Variants in PIEZO2 observed in about 807,000 individuals in gnomAD.
PIEZO2 encodes piezo-type mechanosensitive ion channel component 2.
A neutral mutation model predicts 337.3 loss-of-function variants in PIEZO2; 172 were observed. The observed-to-expected ratio is 0.51, with a 90% CI of 0.45 to 0.58. The LOEUF (loss-of-function observed/expected upper bound fraction) is 0.58, where lower values mean the gene tolerates loss of function less well. PIEZO2 is among the 20% of genes least tolerant of loss of function. PIEZO2 has a pLI of 0.00. For missense variants in PIEZO2, 3,028 were observed against 3,391.3 expected, an observed-to-expected ratio of 0.89 and a Z score of 2.66; for synonymous variants, 1,251 against 1,228.5, an observed-to-expected ratio of 1.02 and a Z score of -0.38.
At chr18:10,941,145 A>G (rs1273289530) in intron 3 of PIEZO2, among the ~76,000 whole-genome samples, 1 of 152,012 alleles carries the variant, frequency 6.6e-6, no homozygotes, top group Non-Finnish European at 1.5e-5. Flanking sequence ...AATTATCCCA[A>G]CTAAAAAATG....
chr18:10,701,584 T>A (rs1489528726), intron 43 of PIEZO2, among the ~76,000 whole-genome samples: 1 of 152,206 alleles, frequency 6.6e-6, no homozygotes, highest in East Asian at 1.9e-4. Context: ...TGAGACAATA[T>A]GATCCACACA....
intron 3 of PIEZO2, among the ~76,000 whole-genome samples, chr18:10,937,258 G>T (rs754816595): frequency 6.6e-6 from 1 of 152,154 alleles, no homozygotes; most frequent in Non-Finnish European, 1.5e-5. Context: ...ACAGATTTCA[G>T]GGTTCTTTCC....
chr18:11,121,884 T>G (rs190886279), intron 1 of PIEZO2, among the ~76,000 whole-genome samples: 29 of 152,364 alleles, frequency 1.9e-4, no homozygotes, highest in Admixed American at 1.7e-3. Flanking sequence ...ACAAGTTCAA[T>G]TCTCATGTGA....
chr18:11,037,887 C>A (rs375022247), intron 2 of PIEZO2, among the ~76,000 whole-genome samples: 2 of 152,200 alleles, frequency 1.3e-5, no homozygotes, highest in Non-Finnish European at 2.9e-5. Context: ...GTTTGTTAGG[C>A]ACTTAAATAA....
At position 10,847,365 on chromosome 18, in the gene PIEZO2, G is replaced by A. The variant is rs72973104; in HGVS notation, c.917+7988C>T. Among the ~76,000 whole-genome samples the A allele has an allele frequency of 0.047, 7,169 of 152,324 alleles. 240 individuals are homozygous for A. The highest frequency in any genetic ancestry group is 0.088 in the African/African-American group (3,654 of 41,572). ...CTCCATAAAAACTGAAAGGAAGACC[G>A]TGGAGATGCCCTTGGTGGGCAAAAG... On this transcript the variant is annotated intron_variant, in intron 7 of 55. Transcript: ENST00000674853. This position sits in a 1 kb window ranked among gnomAD's most constrained non-coding sequence, Gnocchi z 5.7.
At chr18:10,687,607 A>G (rs505062) in intron 49 of PIEZO2, among the ~76,000 whole-genome samples, 1 of 151,948 alleles carries the variant, frequency 6.6e-6, no homozygotes, top group Admixed American at 6.5e-5. Flanking sequence ...TTTACTCCAT[A>G]CTTTGGATCT....
At chr18:10,796,936 A>G (rs922256224) in intron 12 of PIEZO2, among the ~76,000 whole-genome samples, 3 of 152,148 alleles carry the variant, frequency 2.0e-5, no homozygotes, top group African/African-American at 7.2e-5. Flanking sequence ...ATGTACTATC[A>G]TGTCATATCA....
At position 10,794,755 on chromosome 18, in the gene PIEZO2, G is replaced by A. The variant is rs55646160; in HGVS notation, c.1758+17C>T. 0.046 allele frequency: 66,907 copies of A among 1,467,848 alleles called. 1,795 individuals carry two copies. Among genetic ancestry groups the A allele is most frequent in the Admixed American group, 0.056 (2,678 of 47,758 alleles). The allele number at this position is 1,467,848 out of a possible 1,614,324, so 90.9% of individuals were successfully genotyped here. A position where few individuals can be genotyped will look rare whatever the true frequency, so the allele number is the denominator to read the frequency against. On this transcript the variant is annotated intron_variant, in intron 13 of 55. Coordinates refer to ENST00000674853, the MANE Select transcript of PIEZO2 (RefSeq NM_001378183.1). The surrounding 1 kb of genome is among the most constrained non-coding windows in gnomAD (Gnocchi z 6.6). Reference sequence around the variant, plus strand: ...TTTTGTGTCATTGTTTTGTTTTATTGTATTCTATTCACTTACTTTGGAAGC... The same window carrying A: ...TTTTGTGTCATTGTTTTGTTTTATTATATTCTATTCACTTACTTTGGAAGC...
chr18:11,066,885 C>A (rs1433871494), intron 1 of PIEZO2, among the ~76,000 whole-genome samples: 2 of 152,172 alleles, frequency 1.3e-5, no homozygotes, highest in African/African-American at 4.8e-5. Flanking sequence ...CAGGCGTGAG[C>A]CACCGCATCT....
chr18:10,851,308 T>C (rs1342839344), intron 7 of PIEZO2, among the ~76,000 whole-genome samples: 1 of 152,158 alleles, frequency 6.6e-6, no homozygotes, highest in East Asian at 1.9e-4. Flanking sequence ...TAATGTCCTG[T>C]TATCGGCAAG....
rs2038405301 is a variant in PIEZO2, at chr18:10,767,303, A to T, written c.2946+2845T>A. Among the ~76,000 whole-genome samples the T allele has an allele frequency of 6.6e-6, 1 of 152,148 alleles. No homozygotes were observed. The highest frequency in any genetic ancestry group is 2.4e-5 in the African/African-American group (1 of 41,428). On this transcript the variant is annotated intron_variant, in intron 21 of 55. Coordinates refer to ENST00000674853, the MANE Select transcript of PIEZO2 (RefSeq NM_001378183.1). This position sits in a 1 kb window ranked among gnomAD's most constrained non-coding sequence, Gnocchi z 4.2. ...TTTCCAGCAACTTCTTCTTTTTCAG[A>T]TGCTTCATGATGCTAACTTTGAAAA...
intron 7 of PIEZO2, among the ~76,000 whole-genome samples, chr18:10,841,683 G>A (rs941931271): frequency 1.3e-5 from 2 of 152,156 alleles, no homozygotes; most frequent in Non-Finnish European, 2.9e-5. Flanking sequence ...AATGCTAATG[G>A]GACTCCTTCA....
chr18:10,851,201 T>C (rs1598582233), intron 7 of PIEZO2, among the ~76,000 whole-genome samples: 2 of 147,758 alleles, frequency 1.4e-5, no homozygotes, highest in East Asian at 4.1e-4. Context: ...TTCTTCCAAC[T>C]CAGAGTTTGG....
chr18:10,730,121 G>A (rs543607946), intron 36 of PIEZO2, among the ~76,000 whole-genome samples: 24 of 152,334 alleles, frequency 1.6e-4, no homozygotes, highest in African/African-American at 5.5e-4. Flanking sequence ...ACACCTAGGC[G>A]TGGGACTGAT....
chr18:10,976,108 A>C (rs2034432734), intron 3 of PIEZO2, among the ~76,000 whole-genome samples: 1 of 152,252 alleles, frequency 6.6e-6, no homozygotes, highest in Non-Finnish European at 1.5e-5. Flanking sequence ...ATTAAAAGTC[A>C]GTGTTTCCAT....
rs2038033148 is a variant in PIEZO2 at position 10,759,574 on chromosome 18, C to A, written c.3665G>T (p.Trp1222Leu). 6.5e-7 allele frequency: 1 copy of A among 1,537,358 alleles called. No individual in the cohort carries two copies. The highest frequency in any genetic ancestry group is 2.4e-5 in the East Asian group (1 of 40,908). Residue 1222 changes from tryptophan to leucine, a missense_variant, in exon 26 of 56, where the codon TGG becomes TTG. Physicochemically the swap from Trp to Leu is moderately conservative, Grantham distance 61. Around this residue, in one of 5 missense-constraint regions of PIEZO2, gnomAD observed 1,925 missense variants for 2,051.9 expected, o/e 0.94. Transcript: ENST00000674853. This position sits in a 1 kb window ranked among gnomAD's most constrained non-coding sequence, Gnocchi z 5.5. ...ATTGAAGCTGGCACCCTTGAATCTC[C>A]ACGGGTAATCTGCAGGGAGGGAAGT... Reference protein sequence around the residue: ...IPPAPCRDYPWRFKGASFNDN... With the variant: ...IPPAPCRDYPLRFKGASFNDN...
At chr18:10,778,146 T>TAA (rs543648280) in intron 18 of PIEZO2, among the ~76,000 whole-genome samples, 2 of 152,154 alleles carry the variant, frequency 1.3e-5, no homozygotes, top group Non-Finnish European at 2.9e-5. Context: ...ATTCTCCTTA[T>TAA]AAAACACTGA....
At chr18:10,728,324 A>G (rs2036622348) in intron 36 of PIEZO2, 1 of 152,296 alleles carries the variant, frequency 6.6e-6, no homozygotes, top group Non-Finnish European at 1.5e-5. Context: ...AAACAGGCAC[A>G]CTCTAAATAA....
intron 2 of PIEZO2, among the ~76,000 whole-genome samples, chr18:11,026,383 A>C (rs1386892782): frequency 3.3e-5 from 5 of 152,058 alleles, no homozygotes; most frequent in Non-Finnish European, 7.4e-5. Flanking sequence ...ATCCACAGAC[A>C]CAAAGTTAGC....
Sources: gnomAD v4.1 joint callset for allele counts (sites outside exome capture counted in the v4.1 genomes callset) on GRCh38, gnomAD v4.1.1 for gene constraint, gnomAD v4.1.1 regional missense constraint, Gnocchi (gnomAD v3.1) non-coding constraint, MANE v1.5 for transcripts, NCBI Gene and HGNC (gene_info 2026-07-23, HGNC 2026-07-21) for gene names.